Variants in EXTL1 observed in about 807,000 individuals in gnomAD.
EXTL1 encodes exostosin like glycosyltransferase 1, also known as exostosin-like 1.
EXTL1 carries 43 observed loss-of-function variants against 64.6 expected under a neutral mutation model. The ratio of observed to expected loss-of-function variants is 0.67; its 90% confidence interval spans 0.52 to 0.86. The LOEUF is 0.86. Among genes scored for constraint, EXTL1 ranks in the 40% least tolerant of loss-of-function variants. The probability of loss-of-function intolerance (pLI) is 0.00; values close to 1 mark genes in which losing one functional copy is unlikely to be tolerated. For synonymous variants in EXTL1, 352 were observed against 360.5 expected (o/e 0.98, Z 0.27); for missense variants, 766 against 879.0 (o/e 0.87, Z 1.62).
chr1:26,034,897 G>A lies in EXTL1; in HGVS notation c.1741G>A (p.Ala581Thr), dbSNP rs779486116. ...GGCTCTGAGGACCCTGGCAGATGAGGCACCCACCTGTGTGGACGTCCTGAT... is the reference window on the plus strand; with the variant it reads ...GGCTCTGAGGACCCTGGCAGATGAGACACCCACCTGTGTGGACGTCCTGAT... ...PKALRTLADE[A>T]PTCVDVLMNF... Residue 581 changes from alanine (A) to threonine (T), a missense_variant, in exon 10 of 11, where the codon GCA becomes ACA. Transcript: ENST00000374280. This position sits in a 1 kb window ranked among gnomAD's most constrained non-coding sequence, Gnocchi z 4.6. 5.0e-6 allele frequency: 8 copies of A among 1,614,204 alleles called. No individual in the cohort carries two copies. The highest frequency in any genetic ancestry group is 6.8e-6 in the Non-Finnish European group (8 of 1,180,030).
chr1:26,033,600 C>A lies in EXTL1; in HGVS notation c.1519-96C>A. On this transcript the variant is annotated intron_variant, in intron 8 of 10. Coordinates refer to ENST00000374280, the MANE Select transcript of EXTL1 (RefSeq NM_004455.3). The surrounding 1 kb of genome is among the most constrained non-coding windows in gnomAD (Gnocchi z 5.1). ...CGCGCCCTCTCCCCTGAGTCCTGCCCGGGCCCCTCAGCCAGGCTGCCCCTG... is the reference window on the plus strand; with the variant it reads ...CGCGCCCTCTCCCCTGAGTCCTGCCAGGGCCCCTCAGCCAGGCTGCCCCTG... 3.0e-6 allele frequency: 4 copies of A among 1,339,904 alleles called. No individual in the cohort carries two copies. The highest frequency in any genetic ancestry group is 3.1e-6 in the Non-Finnish European group (3 of 952,610). The allele number at this position is 1,339,904 out of a possible 1,614,324, so 83.0% of individuals were successfully genotyped here. A position where few individuals can be genotyped will look rare whatever the true frequency, so the allele number is the denominator to read the frequency against.
In EXTL1 at chr1:26,021,781, C is replaced by G. The variant is rs1033094627; in HGVS notation, c.-866C>G. 1 of 152,452 alleles carries G rather than the reference C, an allele frequency of 6.6e-6. No homozygotes were observed. Among genetic ancestry groups the G allele is most frequent in the Non-Finnish European group, 1.5e-5 (1 of 68,280 alleles). The allele number at this position is 152,452 out of a possible 1,614,324, so 9.4% of individuals were successfully genotyped here. Reference sequence around the variant, plus strand: ...AAAGAGATCAGGATGGGCCAGTTGCCGACTGGAGAGGGATGGGAGGAGATA... The same window carrying G: ...AAAGAGATCAGGATGGGCCAGTTGCGGACTGGAGAGGGATGGGAGGAGATA... On this transcript the variant is annotated 5_prime_UTR_variant, in exon 1 of 11. Transcript: ENST00000374280.
chr1:26,031,228 A>C lies in EXTL1; in HGVS notation c.1198A>C (p.Ser400Arg), dbSNP rs1327500880. 7 of 1,613,978 alleles carry C rather than the reference A, an allele frequency of 4.3e-6. No individual in the cohort carries two copies. The East Asian group carries it at 1.6e-4, about 36-fold the overall frequency. The change falls in exon 5 of 11, where the codon AGC (serine) becomes CGC (arginine). Residue 400 changes from serine to arginine, a missense_variant. By Grantham distance (110) the Ser-to-Arg change is moderately radical. Around this residue, in one of 3 missense-constraint regions of EXTL1, gnomAD observed 571 missense variants for 647.6 expected, o/e 0.88. Transcript: ENST00000374280. ...CCTGGCCCTGTCTACTTTTTCCACA[A>C]GCCCCCAGGACTTCCCCTTCTACTA... ...ALLALSTFSTSPQDFPFYYLQ... is the reference protein window; with the variant it reads ...ALLALSTFSTRPQDFPFYYLQ...
chr1:26,029,684 G>C lies in EXTL1; in HGVS notation c.958G>C (p.Ala320Pro), dbSNP rs983955581. Residue 320 changes from alanine (A) to proline (P), a missense_variant, in exon 3 of 11, where the codon GCT becomes CCT. Physicochemically the swap from Ala to Pro is conservative, Grantham distance 27 (BLOSUM62 -1). Transcript: ENST00000374280. Reference sequence around the variant, plus strand: ...CGACTGGACCAAGGCAGCCATCGTAGCTGATGAGAGGCTCCCACTTCAGGT... The same window carrying C: ...CGACTGGACCAAGGCAGCCATCGTACCTGATGAGAGGCTCCCACTTCAGGT... Reference protein sequence around the residue: ...VIDWTKAAIVADERLPLQVLA... With the variant: ...VIDWTKAAIVPDERLPLQVLA... The C allele has an allele frequency of 4.3e-6, 7 of 1,611,730 alleles. No homozygotes were observed. Among genetic ancestry groups the C allele is most frequent in the Non-Finnish European group, 5.9e-6 (7 of 1,179,086 alleles).
At chr1:26,024,093 T>C (rs554649762) in intron 1 of EXTL1, among the ~76,000 whole-genome samples, 41 of 152,350 alleles carry the variant, frequency 2.7e-4, no homozygotes, top group African/African-American at 9.6e-4. Flanking sequence ...AAGAATTTCC[T>C]GCCAGTGAGA....
Position 26,029,665 on chromosome 1 carries a change from G to A in EXTL1, c.939G>A (p.Trp313Ter), listed in dbSNP as rs141225406. The change falls in exon 3 of 11, where the codon TGG becomes TGA. Residue 313 changes from tryptophan (W) to a stop codon, truncating the protein, a stop_gained. Coordinates refer to ENST00000374280, the MANE Select transcript of EXTL1 (RefSeq NM_004455.3). LOFTEE classifies it high-confidence loss of function. The stretch of plus-strand genomic sequence containing the variant: ...TGCCCTTCTCCGAGGTCATCGACTG[G>A]ACCAAGGCAGCCATCGTAGCTGATG... ...WELPFSEVID[W>*]TKAAIVADER... The A allele has an allele frequency of 1.6e-3, 2,637 of 1,612,580 alleles. 2 individuals are homozygous for A. The highest frequency in any genetic ancestry group is 2.4e-3 in the Middle Eastern group (14 of 5,930).
chr1:26,035,072 TCA>T lies in EXTL1; in HGVS notation c.1848+70_1848+71del. Reference sequence around the variant, plus strand: ...CGGGGATGCCGGAGAGGATTCCCTCTCACTGTCTAATTCCAGTCTTTCTTGCT... The same window carrying T: ...CGGGGATGCCGGAGAGGATTCCCTCTCTGTCTAATTCCAGTCTTTCTTGCT... On this transcript the variant is annotated intron_variant, in intron 10 of 10. Coordinates refer to ENST00000374280, the MANE Select transcript of EXTL1 (RefSeq NM_004455.3). The surrounding 1 kb of genome is among the most constrained non-coding windows in gnomAD (Gnocchi z 5.3). 1.2e-6 allele frequency: 2 copies of T among 1,601,204 alleles called. No homozygotes were observed. The highest frequency in any genetic ancestry group is 1.7e-6 in the Non-Finnish European group (2 of 1,171,192).
chr1:26,023,193 G>A lies in EXTL1; in HGVS notation c.547G>A (p.Ala183Thr), dbSNP rs772703693. The A allele has an allele frequency of 2.5e-6, 4 of 1,613,582 alleles. No homozygotes were observed. The Middle Eastern group carries it at 5.0e-4, about 200-fold the overall frequency. ...FQLGQAMVAE[A>T]SPTVDSFRPG... ...GCTGGGACAGGCTATGGTGGCTGAG[G>A]CCAGCCCCACGGTGGACTCCTTCCG... Residue 183 changes from alanine (A) to threonine (T), a missense_variant, in exon 1 of 11, where the codon GCC becomes ACC. Ala to Thr is a moderately conservative substitution (Grantham distance 58). This residue lies in a region of EXTL1 where 571 missense variants were observed against 647.6 expected (regional missense o/e 0.88). Transcript: ENST00000374280.
rs757602158 is a variant in EXTL1 at position 26,022,917 on chromosome 1, T to G, written c.271T>G (p.Cys91Gly). 3.1e-6 allele frequency: 5 copies of G among 1,613,986 alleles called. No homozygotes were observed. The highest frequency in any genetic ancestry group is 4.2e-6 in the Non-Finnish European group (5 of 1,180,006). ...GGAATCTTGCTTTGATACCTCAAAGTGCAGGGGCGATGGCCTTAAGGTATT... is the reference window on the plus strand; with the variant it reads ...GGAATCTTGCTTTGATACCTCAAAGGGCAGGGGCGATGGCCTTAAGGTATT... ...NWESCFDTSK[C>G]RGDGLKVFVY... The change falls in exon 1 of 11, where the codon TGC becomes GGC. Residue 91 changes from cysteine to glycine, a missense_variant. Around this residue, in one of 3 missense-constraint regions of EXTL1, gnomAD observed 571 missense variants for 647.6 expected, o/e 0.88. Coordinates refer to ENST00000374280, the MANE Select transcript of EXTL1 (RefSeq NM_004455.3).
At chr1:26,031,077 G>A in intron 4 of EXTL1, 55 bp from the exon 5 acceptor site, 1 of 1,610,772 alleles carries the variant, frequency 6.2e-7, no homozygotes, top group Non-Finnish European at 8.5e-7. Context: ...GGAAGGGGAG[G>A]TGTGGCCATG....
rs1316602588 is a variant in EXTL1, at chr1:26,032,476, G to A, written c.1422G>A (p.Gly474=). 5 of 1,551,248 alleles carry A rather than the reference G, an allele frequency of 3.2e-6. No homozygotes were observed. In the South Asian group the frequency reaches 6.0e-5, roughly 18 times the overall value. The part of the protein sequence containing the change: ...ETAVPLTVID[G]HRKVSDRFYP... Reference sequence around the variant, plus strand: ...CTGTGCCCTTGACAGTCATTGATGGGCACAGGAAGGTAAGGGATGAGGAGA... The same window carrying A: ...CTGTGCCCTTGACAGTCATTGATGGACACAGGAAGGTAAGGGATGAGGAGA... Residue 474 remains glycine (G), a synonymous_variant, in exon 7 of 11, where the codon GGG becomes GGA. Transcript: ENST00000374280.
chr1:26,023,760 TATAA>T (rs2050183220), intron 1 of EXTL1, among the ~76,000 whole-genome samples: 1 of 152,256 alleles, frequency 6.6e-6, no homozygotes, highest in African/African-American at 2.4e-5. Flanking sequence ...TAAGCACTTA[TATAA>T]ATAATGATTA....
rs779710754 is a variant in EXTL1 at position 26,029,256 on chromosome 1, G to A, written c.843G>A (p.Glu281=). The part of the protein sequence containing the change: ...TFCLISGHRP[E]AASRFLQALQ... ...GCCTCATCTCTGGCCACCGTCCCGA[G>A]GCTGCCTCGCGCTTCCTCCAAGCCC... Residue 281 remains glutamate, a synonymous_variant, in exon 2 of 11, where the codon GAG becomes GAA. Coordinates refer to ENST00000374280, the MANE Select transcript of EXTL1 (RefSeq NM_004455.3). 18 of 1,613,902 alleles carry A rather than the reference G, an allele frequency of 1.1e-5. No individual in the cohort carries two copies. The highest frequency in any genetic ancestry group is 1.4e-5 in the Non-Finnish European group (17 of 1,179,916).
intron 1 of EXTL1, among the ~76,000 whole-genome samples, chr1:26,027,693 A>AAAAAAAAAAAAAAAAAAAAG (rs1553141858): frequency 0.012 from 1,619 of 131,268 alleles, 72 homozygotes; most frequent in African/African-American, 0.042. Context: ...CATCTCTAAA[A>AAAAAAAAAAAAAAAAAAAAG]AAAAAAAAAA....
chr1:26,033,736 G>A lies in EXTL1; in HGVS notation c.1559G>A (p.Arg520Gln), dbSNP rs138358651. 3.7e-5 allele frequency: 60 copies of A among 1,614,018 alleles called. No homozygotes were observed. In the African/African-American group the frequency reaches 5.2e-4, roughly 14 times the overall value. ...AFLVWQSFPE[R>Q]MVGFLTSSHF... is the part of the protein sequence containing the mutation. ...CTGGTGTGGCAGAGCTTCCCAGAGC[G>A]GATGGTGGGCTTCCTGACGTCGAGC... The change falls in exon 9 of 11, where the codon CGG (arginine) becomes CAG (glutamine). Residue 520 changes from arginine (R) to glutamine (Q), a missense_variant. Around this residue, in one of 3 missense-constraint regions of EXTL1, gnomAD observed 194 missense variants for 214.5 expected, o/e 0.90. Transcript: ENST00000374280. The surrounding 1 kb of genome is among the most constrained non-coding windows in gnomAD (Gnocchi z 5.1).
In EXTL1 at chr1:26,033,792, G is replaced by T; in HGVS notation, c.1615G>T (p.Gly539Cys). 6.2e-7 allele frequency: 1 copy of T among 1,614,080 alleles called. No individual in the cohort carries two copies. The highest frequency in any genetic ancestry group is 1.3e-5 in the African/African-American group (1 of 75,030). Residue 539 changes from glycine to cysteine, a missense_variant, in exon 9 of 11, where the codon GGC (glycine) becomes TGC (cysteine). Coordinates refer to ENST00000374280, the MANE Select transcript of EXTL1 (RefSeq NM_004455.3). This position sits in a 1 kb window ranked among gnomAD's most constrained non-coding sequence, Gnocchi z 5.1. ...CTGGGACGAGGCCCATGGTGGCTGG[G>T]GCTACACTGCTGAGAGGACCAACGA... ...HFWDEAHGGW[G>C]YTAERTNEFS...
In EXTL1 at chr1:26,035,018, G is replaced by C; in HGVS notation, c.1848+14G>C. ...GCTGCTCCACTGGTGAGGGCTGAGG[G>C]GGATTGGTCGGAACTGGCAGGGATT... On this transcript the variant is annotated intron_variant, in intron 10 of 10. Coordinates refer to ENST00000374280, the MANE Select transcript of EXTL1 (RefSeq NM_004455.3). This position sits in a 1 kb window ranked among gnomAD's most constrained non-coding sequence, Gnocchi z 5.3. 1 of 1,613,684 alleles carries C rather than the reference G, an allele frequency of 6.2e-7. No homozygotes were observed. The highest frequency in any genetic ancestry group is 8.5e-7 in the Non-Finnish European group (1 of 1,179,670).
In EXTL1 at chr1:26,035,148, GC is replaced by G. The variant is rs764357698; in HGVS notation, c.1849-16del. 23 of 1,595,358 alleles carry G rather than the reference GC, an allele frequency of 1.4e-5. No homozygotes were observed. The African/African-American group carries it at 3.1e-4, about 22-fold the overall frequency. On this transcript the variant is annotated splice_polypyrimidine_tract_variant and intron_variant, in intron 10 of 10. Coordinates refer to ENST00000374280, the MANE Select transcript of EXTL1 (RefSeq NM_004455.3). This position sits in a 1 kb window ranked among gnomAD's most constrained non-coding sequence, Gnocchi z 5.3. ...GGGCAGAGAAGCCCGTTAATGCATTGCTTCTTTCCCTCTTAGGCGCCTGGGG... is the reference window on the plus strand; with the variant it reads ...GGGCAGAGAAGCCCGTTAATGCATTGTTCTTTCCCTCTTAGGCGCCTGGGG...
intron 1 of EXTL1, among the ~76,000 whole-genome samples, chr1:26,028,577 C>T (rs908674515): frequency 6.6e-6 from 1 of 152,172 alleles, no homozygotes; most frequent in Non-Finnish European, 1.5e-5. Context: ...CCCACAGGCA[C>T]ACACAGCCTG....
Sources: gnomAD v4.1 joint callset for allele counts (sites outside exome capture counted in the v4.1 genomes callset) on GRCh38, gnomAD v4.1.1 for gene constraint, gnomAD v4.1.1 regional missense constraint, Gnocchi (gnomAD v3.1) non-coding constraint, MANE v1.5 for transcripts, NCBI Gene and HGNC (gene_info 2026-07-23, HGNC 2026-07-21) for gene names.